Variants in SDK1 observed in about 807,000 individuals in gnomAD.
The protein encoded by SDK1 is sidekick cell adhesion molecule 1, also known as protein sidekick-1.
In SDK1, 157 loss-of-function variants were observed where a neutral mutation model predicts 245.5. The ratio of observed to expected loss-of-function variants is 0.64; its 90% CI spans 0.56 to 0.73. The LOEUF (loss-of-function observed/expected upper bound fraction) is 0.73, where lower values mean the gene tolerates loss of function less well. SDK1 is among the 30% of genes least tolerant of loss of function. The pLI is 0.00. For missense variants in SDK1, 3,583 were observed against 3,002.3 expected (o/e 1.19, Z -4.52); for synonymous variants, 1,647 against 1,278.5 (o/e 1.29, Z -6.15).
At chr7:4,070,814 A>G (rs374270194) in intron 20 of SDK1, among the ~76,000 whole-genome samples, 9 of 151,894 alleles carry the variant, frequency 5.9e-5, no homozygotes, top group Middle Eastern at 3.4e-3. Context: ...GGTTCAAGCA[A>G]TTATCCTGCC....
chr7:3,632,192 AT>A (rs140725925), intron 2 of SDK1, among the ~76,000 whole-genome samples: 1 of 152,318 alleles, frequency 6.6e-6, no homozygotes, highest in Non-Finnish European at 1.5e-5. Flanking sequence ...CTCACAGTAG[AT>A]TTGACAGACG....
chr7:3,405,969 T>G (rs1012610606), intron 1 of SDK1, among the ~76,000 whole-genome samples: 1 of 152,094 alleles, frequency 6.6e-6, no homozygotes, highest in Admixed American at 6.5e-5. Context: ...TACCTCACTA[T>G]GCCCAGCTAA....
intron 22 of SDK1, among the ~76,000 whole-genome samples, chr7:4,105,408 G>T (rs1402590207): frequency 6.6e-6 from 1 of 152,050 alleles, no homozygotes; most frequent in Admixed American, 6.6e-5. Context: ...CCTGGTTCAA[G>T]CGATTCTCCT....
chr7:4,010,428 C>T (rs986378181), intron 14 of SDK1, among the ~76,000 whole-genome samples: 7 of 152,176 alleles, frequency 4.6e-5, no homozygotes, highest in Admixed American at 1.3e-4. Flanking sequence ...AATTTCATTA[C>T]GCCTCTCTCC....
chr7:4,081,425 AT>A lies in SDK1; in HGVS notation c.3324+1854del, dbSNP rs11358526. 7.2e-3 allele frequency among the ~76,000 whole-genome samples: 1,045 copies of A among 145,422 alleles called. 11 individuals carry two copies. The highest frequency in any genetic ancestry group is 0.022 in the African/African-American group (888 of 39,928). The stretch of plus-strand genomic sequence containing the variant: ...TTATGTCATACAACCTGTTTCTTTA[AT>A]TTTTTTTTTTTTGAGACAGAATCTT... On this transcript the variant is annotated intron_variant, in intron 22 of 44. Coordinates refer to ENST00000404826, the MANE Select transcript of SDK1 (RefSeq NM_152744.4).
chr7:3,971,544 C>T lies in SDK1; in HGVS notation c.1793C>T (p.Thr598Ile), dbSNP rs776333994. ...GTTATLHCGA[T>I]HDPRVSLRYV... ...ACGGCCACGCTGCACTGTGGTGCCACACATGACCCCCGGGTTTCACTCCGG... is the reference window on the plus strand; with the variant it reads ...ACGGCCACGCTGCACTGTGGTGCCATACATGACCCCCGGGTTTCACTCCGG... The change falls in exon 12 of 45, where the codon ACA becomes ATA. Residue 598 changes from threonine to isoleucine, a missense_variant. Transcript: ENST00000404826. 6.2e-7 allele frequency: 1 copy of T among 1,613,074 alleles called. No homozygotes were observed. The highest frequency in any genetic ancestry group is 8.5e-7 in the Non-Finnish European group (1 of 1,179,438).
chr7:3,925,327 C>T (rs1317721266), intron 5 of SDK1, among the ~76,000 whole-genome samples: 1 of 152,200 alleles, frequency 6.6e-6, no homozygotes, highest in Non-Finnish European at 1.5e-5. Context: ...GGAGAAGCTG[C>T]GTAGAAGCCC....
intron 1 of SDK1, among the ~76,000 whole-genome samples, chr7:3,376,811 C>T (rs1379758407): frequency 5.3e-5 from 8 of 152,014 alleles, no homozygotes; most frequent in African/African-American, 9.7e-5. Flanking sequence ...AAAAAAATCC[C>T]GAATTTCAAA....
At chr7:4,262,619 C>A (rs1202642355) in intron 44 of SDK1, among the ~76,000 whole-genome samples, 2 of 151,132 alleles carry the variant, frequency 1.3e-5, no homozygotes, top group Non-Finnish European at 3.0e-5. Flanking sequence ...TTCTCCGTCC[C>A]CTCCCCACCC....
chr7:4,141,982 C>G (rs925309003), intron 28 of SDK1, among the ~76,000 whole-genome samples: 12 of 152,114 alleles, frequency 7.9e-5, no homozygotes, highest in Admixed American at 5.2e-4. Context: ...GTCTTGAACT[C>G]CTGACCTTTT....
At chr7:3,626,600 C>G (rs1026158660) in intron 2 of SDK1, among the ~76,000 whole-genome samples, 3 of 152,196 alleles carry the variant, frequency 2.0e-5, no homozygotes, top group African/African-American at 7.2e-5. Context: ...CTAATTACAA[C>G]TGGTCTTGCG....
chr7:3,618,760 A>C (rs529180730), intron 1 of SDK1, among the ~76,000 whole-genome samples: 1 of 152,346 alleles, frequency 6.6e-6, no homozygotes, highest in African/African-American at 2.4e-5. Flanking sequence ...TGCCTAGTTA[A>C]AACCAAAAGC....
At chr7:3,526,289 C>T (rs1200174153) in intron 1 of SDK1, among the ~76,000 whole-genome samples, 1 of 151,658 alleles carries the variant, frequency 6.6e-6, no homozygotes, top group East Asian at 1.9e-4. Context: ...TTTTACTGTC[C>T]AGTTTTACAT....
intron 5 of SDK1, among the ~76,000 whole-genome samples, chr7:3,872,580 C>CTT (rs57740560): frequency 0.21 from 29,706 of 139,964 alleles, 3,260 homozygotes; most frequent in Middle Eastern, 0.29. Context: ...TTTTTGGTAT[C>CTT]TTTTTTTTTT....
intron 35 of SDK1, among the ~76,000 whole-genome samples, chr7:4,188,409 A>G (rs1266430222): frequency 6.6e-6 from 1 of 152,208 alleles, no homozygotes; most frequent in Non-Finnish European, 1.5e-5. Flanking sequence ...GGCTTTGCTC[A>G]GGGGATTCTC....
chr7:3,325,118 T>G (rs115930854), intron 1 of SDK1, among the ~76,000 whole-genome samples: 1,682 of 152,242 alleles, frequency 0.011, 30 homozygotes, highest in African/African-American at 0.038. Context: ...AACCACTTTT[T>G]TTTTTTGGTG....
intron 4 of SDK1, among the ~76,000 whole-genome samples, chr7:3,703,483 G>C (rs939334479): frequency 1.2e-4 from 18 of 152,322 alleles, no homozygotes; most frequent in African/African-American, 4.3e-4. Context: ...GTGTCTATTA[G>C]AGTAGCAAGA....
At position 4,265,459 on chromosome 7, in the gene SDK1, C is replaced by G; in HGVS notation, c.*75C>G. ...TCTATTTTTGTTAAGACAATCAACT[C>G]CAATAACTGAGCTGAAGTTTTTGTT... On this transcript the variant is annotated 3_prime_UTR_variant, in exon 45 of 45. Transcript: ENST00000404826. 2 of 1,384,262 alleles carry G rather than the reference C, an allele frequency of 1.4e-6. No individual in the cohort carries two copies. Among genetic ancestry groups the G allele is most frequent in the East Asian group, 2.9e-5 (1 of 34,752 alleles). 85.7% of individuals were successfully genotyped at this position (1,384,262 alleles called of 1,614,324 possible).
At chr7:3,659,341 A>T (rs753895328) in intron 4 of SDK1, among the ~76,000 whole-genome samples, 27 of 152,212 alleles carry the variant, frequency 1.8e-4, no homozygotes, top group Non-Finnish European at 3.1e-4. Context: ...ACTGACCAAA[A>T]AATGGGCAAA....
Sources: allele counts gnomAD v4.1 joint callset (sites outside exome capture counted in the v4.1 genomes callset), GRCh38; gene constraint gnomAD v4.1.1; transcripts MANE v1.5; gene names NCBI Gene and HGNC (gene_info 2026-07-23, HGNC 2026-07-21).